FRY: variants seen among roughly 807,000 people sequenced by gnomAD.
The protein encoded by FRY is protein furry homolog.
A neutral mutation model predicts 348.4 loss-of-function variants in FRY; 128 were observed. The observed-to-expected ratio is 0.37, with a 90% CI of 0.32 to 0.43. The LOEUF is 0.43. FRY is among the 20% of genes least tolerant of loss of function. The pLI is 1.00. For missense variants in FRY, 2,736 were observed against 3,695.2 expected, an observed-to-expected ratio of 0.74 and a Z score of 6.73; for synonymous variants, 1,370 against 1,374.7, an observed-to-expected ratio of 1.00 and a Z score of 0.08.
At chr13:32,152,504 A>T (rs952243988) in intron 14 of FRY, among the ~76,000 whole-genome samples, 1 of 152,168 alleles carries the variant, frequency 6.6e-6, no homozygotes, top group African/African-American at 2.4e-5. Context: ...GATTTTCAAC[A>T]ATGATTCTAA....
intron 59 of FRY, among the ~76,000 whole-genome samples, chr13:32,290,175 G>A (rs1425117403): frequency 1.3e-5 from 2 of 152,032 alleles, no homozygotes; most frequent in African/African-American, 4.8e-5. Context: ...CAGTTTCCCT[G>A]CCCTGCTTAG....
Position 32,236,069 on chromosome 13 carries a change from GT to G in FRY, c.5716-6del. ...GCAATACAAAATGCTATCTTTGCAT[GT>G]TTGGCAGGGTTATGTAATGGAAGCG... On this transcript the variant is annotated splice_polypyrimidine_tract_variant and splice_region_variant and intron_variant, in intron 42 of 60. Coordinates refer to ENST00000542859, the MANE Select transcript of FRY (RefSeq NM_023037.3). 1 of 1,597,012 alleles carries G rather than the reference GT, an allele frequency of 6.3e-7. No individual in the cohort carries two copies. Among genetic ancestry groups the G allele is most frequent in the Non-Finnish European group, 8.6e-7 (1 of 1,164,496 alleles).
intron 35 of FRY, among the ~76,000 whole-genome samples, chr13:32,217,138 G>T (rs1885039502): frequency 6.6e-6 from 1 of 152,176 alleles, no homozygotes; most frequent in Admixed American, 6.5e-5. Context: ...AAAAGAAATA[G>T]AGTATTGATC....
chr13:32,065,445 A>G (rs538320344), intron 1 of FRY, among the ~76,000 whole-genome samples: 69 of 151,396 alleles, frequency 4.6e-4, no homozygotes, highest in Middle Eastern at 3.4e-3. Context: ...AGCTGGGATT[A>G]CAGGTGCCCA....
chr13:32,127,505 C>A (rs531251520), intron 7 of FRY, among the ~76,000 whole-genome samples: 1 of 152,070 alleles, frequency 6.6e-6, no homozygotes, highest in Non-Finnish European at 1.5e-5. Flanking sequence ...AGTCTGAGTG[C>A]GGTGGCTCAC....
intron 1 of FRY, among the ~76,000 whole-genome samples, chr13:32,044,550 G>A (rs1198721216): frequency 1.3e-5 from 2 of 152,140 alleles, no homozygotes; most frequent in Non-Finnish European, 1.5e-5. Flanking sequence ...AAGTGATGGT[G>A]CCCAGATTCC....
Position 32,220,876 on chromosome 13 carries a change from T to C in FRY, c.4765+2045T>C, listed in dbSNP as rs376110076. 3.1e-4 allele frequency among the ~76,000 whole-genome samples: 47 copies of C among 152,352 alleles called. 1 individual carries two copies. Among genetic ancestry groups the C allele is most frequent in the African/African-American group, 1.1e-3 (46 of 41,586 alleles). On this transcript the variant is annotated intron_variant, in intron 36 of 60. Transcript: ENST00000542859. ...AACTGACTTATCCTGGATGATTATC[T>C]GAGAAGTTAATTTGTTGCAAGTAAG...
At chr13:32,105,185 A>G (rs887063310) in intron 3 of FRY, among the ~76,000 whole-genome samples, 1 of 152,218 alleles carries the variant, frequency 6.6e-6, no homozygotes, top group Admixed American at 6.5e-5. Context: ...AGGGCCTTTA[A>G]GTGGTAATTT....
chr13:32,186,789 T>C (rs1883051466), intron 27 of FRY, among the ~76,000 whole-genome samples: 1 of 152,084 alleles, frequency 6.6e-6, no homozygotes, highest in Non-Finnish European at 1.5e-5. Flanking sequence ...GAAATAAATT[T>C]CCCCCCAACT....
Position 32,239,973 on chromosome 13 carries a change from C to T in FRY, c.6687+92C>T. On this transcript the variant is annotated intron_variant, in intron 46 of 60. Transcript: ENST00000542859. The surrounding 1 kb of genome is among the most constrained non-coding windows in gnomAD (Gnocchi z 4.3). ...TGGGCTCAAGCAGTCCTCCTGCCTT[C>T]GCCTCCCAGAGTGCTAGGATTACAG... 4 of 1,082,122 alleles carry T rather than the reference C, an allele frequency of 3.7e-6. No homozygotes were observed. The highest frequency in any genetic ancestry group is 2.5e-5 in the East Asian group (1 of 40,014). The allele number at this position is 1,082,122 out of a possible 1,614,324, so 67.0% of individuals were successfully genotyped here.
intron 20 of FRY, among the ~76,000 whole-genome samples, chr13:32,176,546 TA>T (rs1882371384): frequency 6.6e-6 from 1 of 152,242 alleles, no homozygotes; most frequent in African/African-American, 2.4e-5. Flanking sequence ...ACTAAAACTA[TA>T]AGCCAGGTAC....
At chr13:32,123,502 G>A (rs950877920) in intron 4 of FRY, among the ~76,000 whole-genome samples, 4 of 152,110 alleles carry the variant, frequency 2.6e-5, no homozygotes, top group African/African-American at 9.7e-5. Context: ...TGGTAATGCC[G>A]ATCCTCTTCA....
intron 36 of FRY, among the ~76,000 whole-genome samples, chr13:32,222,794 T>A (rs1012173202): frequency 2.0e-5 from 3 of 152,280 alleles, no homozygotes; most frequent in African/African-American, 7.2e-5. Context: ...CATAGGCCAG[T>A]GCCTGGCATC....
At chr13:32,193,591 C>CTTTTTTTTTTTTTTTTTTT (rs71194514) in intron 28 of FRY, among the ~76,000 whole-genome samples, 1 of 130,286 alleles carries the variant, frequency 7.7e-6, no homozygotes, top group Non-Finnish European at 1.6e-5. Context: ...AGTCTTCGTC[C>CTTTTTTTTTTTTTTTTTTT]TTTTTTTTTT....
At chr13:32,106,240 A>T (rs1168448358) in intron 3 of FRY, among the ~76,000 whole-genome samples, 1 of 150,370 alleles carries the variant, frequency 6.7e-6, no homozygotes, top group Non-Finnish European at 1.5e-5. Flanking sequence ...TATTTAATAT[A>T]GAGATGATAA....
At chr13:32,054,978 TTA>T (rs1282261963) in intron 1 of FRY, among the ~76,000 whole-genome samples, 3 of 152,138 alleles carry the variant, frequency 2.0e-5, no homozygotes, top group African/African-American at 4.8e-5. Flanking sequence ...TGATTCTTCA[TTA>T]TGTTTTGAGT....
At chr13:32,070,109 A>T (rs1874538178) in intron 1 of FRY, among the ~76,000 whole-genome samples, 1 of 152,136 alleles carries the variant, frequency 6.6e-6, no homozygotes, top group African/African-American at 2.4e-5. Context: ...AATCCAGTCT[A>T]TCATTGATGG....
intron 1 of FRY, among the ~76,000 whole-genome samples, chr13:32,072,993 G>T (rs985451228): frequency 6.6e-6 from 1 of 152,110 alleles, no homozygotes; most frequent in African/African-American, 2.4e-5. Context: ...TGAATATTTG[G>T]TTACCACATA....
Position 32,208,950 on chromosome 13 carries a change from C to T in FRY, c.4116C>T (p.Ser1372=), listed in dbSNP as rs551048395. ...TGCACAACATCGAGCTGGTGGACAG[C>T]AGGCTCCTCCTCCCGGGGTCGAGCC... is the stretch of plus-strand genomic sequence containing the variant. ...PWLHNIELVD[S]RLLLPGSSPS... Residue 1372 remains serine, a synonymous_variant, in exon 32 of 61, where the codon AGC becomes AGT. Transcript: ENST00000542859. 6 of 1,614,198 alleles carry T rather than the reference C, an allele frequency of 3.7e-6. No individual in the cohort carries two copies. The South Asian group carries it at 6.6e-5, about 18-fold the overall frequency.
Sources: gnomAD v4.1 joint callset for allele counts (sites outside exome capture counted in the v4.1 genomes callset) on GRCh38, gnomAD v4.1.1 for gene constraint, Gnocchi (gnomAD v3.1) non-coding constraint, MANE v1.5 for transcripts, NCBI Gene and HGNC (gene_info 2026-07-23, HGNC 2026-07-21) for gene names.